Variants in ENOX2 observed in about 807,000 individuals in gnomAD.
ENOX2 encodes APK1 antigen.
In ENOX2, 36 loss-of-function variants were observed where a neutral mutation model predicts 45.0. The ratio of observed to expected loss-of-function variants is 0.80; its 90% CI spans 0.61 to 1.06. The LOEUF is 1.06. Ranked by LOEUF, ENOX2 falls within the 50% of genes least tolerant of loss-of-function variation. The pLI is 0.00. For synonymous variants in ENOX2, 174 were observed against 152.3 expected (o/e 1.14, Z -1.05); for missense variants, 423 against 462.5 (o/e 0.91, Z 0.78).
At chrX:130,736,232 C>T (rs758651235) in intron 3 of ENOX2, among the ~76,000 whole-genome samples, 25 of 109,852 alleles carry the variant, frequency 2.3e-4, no homozygotes, top group Admixed American at 9.7e-4. Context: ...GGCATGGTGA[C>T]GGGCGCCTGT....
At chrX:130,747,389 T>C (rs1303818536) in intron 3 of ENOX2, among the ~76,000 whole-genome samples, 3 of 111,372 alleles carry the variant, frequency 2.7e-5, no homozygotes, top group Non-Finnish European at 5.7e-5. Context: ...ATAAAAAAAA[T>C]GGAATCAGTT....
At chrX:130,669,187 A>G (rs979901037) in intron 7 of ENOX2, among the ~76,000 whole-genome samples, 1 of 112,127 alleles carries the variant, frequency 8.9e-6, no homozygotes, top group African/African-American at 3.2e-5. Context: ...TGTTACCAAT[A>G]AGATCAATGG....
intron 9 of ENOX2, among the ~76,000 whole-genome samples, chrX:130,662,957 T>C (rs752986957): frequency 7.3e-4 from 82 of 111,975 alleles, no homozygotes; most frequent in Non-Finnish European, 1.5e-3. Context: ...ATGCTGGTCA[T>C]GTACTTTATC....
chrX:130,652,925 T>C (rs1040678269), intron 10 of ENOX2, among the ~76,000 whole-genome samples: 1 of 112,265 alleles, frequency 8.9e-6, no homozygotes, highest in Non-Finnish European at 1.9e-5. Context: ...ACTGAAATCT[T>C]GATCTCAGAC....
rs539118311 is a variant in ENOX2, at chrX:130,673,468, T to C, written c.461-3270A>G. Among the ~76,000 whole-genome samples, 9 of 103,906 alleles carry C rather than the reference T, an allele frequency of 8.7e-5. No homozygotes were observed. The South Asian group carries it at 4.0e-3, about 46-fold the overall frequency. 90.2% of individuals were successfully genotyped at this position (103,906 alleles called of 115,157 possible). On this transcript the variant is annotated intron_variant, in intron 6 of 14. Coordinates refer to ENST00000394363, the MANE Select transcript of ENOX2 (RefSeq NM_006375.4). ...ACAATGCAGGATATGAAAGAAGAGATAGAGATCTTGAAAAAAAAAAACAGA... is the reference window on the plus strand; with the variant it reads ...ACAATGCAGGATATGAAAGAAGAGACAGAGATCTTGAAAAAAAAAAACAGA...
intron 2 of ENOX2, among the ~76,000 whole-genome samples, chrX:130,855,377 C>T (rs1038417862): frequency 2.7e-5 from 3 of 111,516 alleles, no homozygotes; most frequent in East Asian, 2.8e-4. Context: ...ATAAATCTAA[C>T]GAAATGTGTA....
At chrX:130,833,818 T>G (rs1444625898) in intron 2 of ENOX2, among the ~76,000 whole-genome samples, 1 of 111,396 alleles carries the variant, frequency 9.0e-6, no homozygotes, top group Non-Finnish European at 1.9e-5. Flanking sequence ...TCCTCATCAC[T>G]CCAAAGCAGC....
intron 10 of ENOX2, among the ~76,000 whole-genome samples, chrX:130,647,768 T>A (rs188919103): frequency 6.5e-4 from 73 of 111,668 alleles, no homozygotes; most frequent in Non-Finnish European, 1.2e-3. Flanking sequence ...CAATATTTTT[T>A]TTTTCAGTGG....
chrX:130,884,025 T>C (rs1006601085), intron 2 of ENOX2, among the ~76,000 whole-genome samples: 4 of 112,116 alleles, frequency 3.6e-5, no homozygotes, highest in South Asian at 7.4e-4. Context: ...TCCAACTACG[T>C]AGGACATTTG....
intron 6 of ENOX2, 142 bp from the exon 7 acceptor site, chrX:130,670,340 C>A: frequency 2.1e-6 from 1 of 465,775 alleles, no homozygotes; most frequent in Non-Finnish European, 3.7e-6. Context: ...GATGTCACTG[C>A]AGCAGTTCCA....
intron 3 of ENOX2, 40 bp from the exon 4 acceptor site, chrX:130,703,294 G>A (rs1422605833): frequency 8.7e-7 from 1 of 1,144,325 alleles, no homozygotes; most frequent in East Asian, 3.1e-5. Context: ...GTTGTGTTAA[G>A]GTTCTAGCAA....
At chrX:130,730,685 C>T (rs750136837) in intron 3 of ENOX2, among the ~76,000 whole-genome samples, 1 of 101,848 alleles carries the variant, frequency 9.8e-6, no homozygotes, top group Admixed American at 1.1e-4. Context: ...CATAATACAT[C>T]AATCAATACA....
chrX:130,641,718 C>CAAAAAAAA (rs753792308), intron 10 of ENOX2, among the ~76,000 whole-genome samples: 1 of 34,717 alleles, frequency 2.9e-5, no homozygotes, highest in Non-Finnish European at 5.1e-5. Context: ...ACTCCATCTC[C>CAAAAAAAA]AAAAAAAAAA....
intron 3 of ENOX2, among the ~76,000 whole-genome samples, chrX:130,722,195 A>G (rs1009438908): frequency 4.5e-5 from 5 of 112,135 alleles, no homozygotes; most frequent in African/African-American, 1.6e-4. Context: ...GGTTAAAGGG[A>G]ACCAGGATGG....
intron 3 of ENOX2, among the ~76,000 whole-genome samples, chrX:130,710,665 T>C (rs1249439644): frequency 8.9e-6 from 1 of 112,005 alleles, no homozygotes; most frequent in African/African-American, 3.3e-5. Context: ...ACCCCTGGTT[T>C]CTTCCATAAT....
At chrX:130,753,444 T>C (rs2039277161) in intron 3 of ENOX2, among the ~76,000 whole-genome samples, 1 of 111,589 alleles carries the variant, frequency 9.0e-6, no homozygotes, top group South Asian at 3.8e-4. Context: ...CTATCCATGT[T>C]TGCCTCTGCC....
At chrX:130,851,355 G>A (rs1459542146) in intron 2 of ENOX2, among the ~76,000 whole-genome samples, 1 of 111,111 alleles carries the variant, frequency 9.0e-6, no homozygotes, top group African/African-American at 3.3e-5. Context: ...CAAGTAGCTG[G>A]GACTACAGGC....
At chrX:130,759,365 T>A (rs371452526) in intron 3 of ENOX2, among the ~76,000 whole-genome samples, 1 of 107,452 alleles carries the variant, frequency 9.3e-6, no homozygotes, top group African/African-American at 3.4e-5. Context: ...GCCGAGGCGG[T>A]TGGACCAGCT....
intron 3 of ENOX2, among the ~76,000 whole-genome samples, chrX:130,709,955 C>A (rs747725600): frequency 9.1e-6 from 1 of 109,710 alleles, no homozygotes; most frequent in South Asian, 4.1e-4. Context: ...GTGATGTTCC[C>A]CTCCCTGTGT....
Sources: gnomAD v4.1 joint callset for allele counts (sites outside exome capture counted in the v4.1 genomes callset) on GRCh38, gnomAD v4.1.1 for gene constraint, MANE v1.5 for transcripts, NCBI Gene and HGNC (gene_info 2026-07-23, HGNC 2026-07-21) for gene names.